Variants in EOGT observed in about 807,000 individuals in gnomAD.
EOGT encodes EGF domain specific O-linked N-acetylglucosamine transferase, also known as EGF domain-specific O-linked N-acetylglucosamine transferase.
Under a neutral mutation model 70.5 loss-of-function variants are expected in EOGT, and 55 were observed. The observed-to-expected ratio is 0.78, with a 90% CI of 0.63 to 0.98. EOGT has a LOEUF of 0.98. Ranked by LOEUF, EOGT falls within the 50% of genes least tolerant of loss-of-function variation. The probability of loss-of-function intolerance (pLI) is 0.00; values close to 1 mark genes in which losing one functional copy is unlikely to be tolerated. For synonymous variants in EOGT, 246 were observed against 217.1 expected, an observed-to-expected ratio of 1.13 and a Z score of -1.17; for missense variants, 703 against 641.9, an observed-to-expected ratio of 1.10 and a Z score of -1.03.
At chr3:68,998,835 T>TAAAA (rs5849871) in intron 9 of EOGT, among the ~76,000 whole-genome samples, 14 of 109,964 alleles carry the variant, frequency 1.3e-4, no homozygotes, top group African/African-American at 2.1e-4. Context: ...AGACTCTGTC[T>TAAAA]AAAAAAAAAA....
intron 14 of EOGT, among the ~76,000 whole-genome samples, chr3:68,983,639 C>T (rs1354566622): frequency 1.3e-5 from 2 of 152,186 alleles, no homozygotes; most frequent in Non-Finnish European, 2.9e-5. Context: ...CTAAGAGTGT[C>T]GTTAGGTTTA....
Position 69,001,729 on chromosome 3 carries a change from T to C in EOGT, c.621-15A>G, listed in dbSNP as rs1477133336. 4 of 1,553,178 alleles carry C rather than the reference T, an allele frequency of 2.6e-6. No individual in the cohort carries two copies. The highest frequency in any genetic ancestry group is 3.5e-6 in the Non-Finnish European group (4 of 1,127,084). On this transcript the variant is annotated splice_polypyrimidine_tract_variant and intron_variant, in intron 8 of 17. Transcript: ENST00000383701. Reference sequence around the variant, plus strand: ...GCTCAGCAAACCTGAAATTATGAATTGGGACATGACTTCAAACTGATTCTC... The same window carrying C: ...GCTCAGCAAACCTGAAATTATGAATCGGGACATGACTTCAAACTGATTCTC...
At chr3:69,004,879 C>T (rs375051282) in intron 7 of EOGT, among the ~76,000 whole-genome samples, 4 of 151,998 alleles carry the variant, frequency 2.6e-5, no homozygotes, top group African/African-American at 7.3e-5. Context: ...GCCTGGGCAA[C>T]GTTAGAAGAC....
rs550645481 is a variant in EOGT at position 69,011,442 on chromosome 3, G to A, written c.-15+494C>T. ...TGAGTTCGAGACCAGCTTGGGCAACGTGATGAAACCCGGTCTCTGCTAAGA... is the reference window on the plus strand; with the variant it reads ...TGAGTTCGAGACCAGCTTGGGCAACATGATGAAACCCGGTCTCTGCTAAGA... On this transcript the variant is annotated intron_variant, in intron 3 of 17. Coordinates refer to ENST00000383701, the MANE Select transcript of EOGT (RefSeq NM_001278689.2). 4.5e-4 allele frequency among the ~76,000 whole-genome samples: 68 copies of A among 151,584 alleles called. 1 individual carries two copies. In the Middle Eastern group the frequency reaches 0.014, roughly 30 times the overall value.
At chr3:68,985,443 A>G (rs1291870283) in intron 14 of EOGT, among the ~76,000 whole-genome samples, 1 of 152,148 alleles carries the variant, frequency 6.6e-6, no homozygotes, top group Non-Finnish European at 1.5e-5. Context: ...CCATCAAAAC[A>G]TGACACACAC....
intron 7 of EOGT, 58 bp from the exon 8 acceptor site, chr3:69,004,540 G>GTGCT: frequency 9.3e-6 from 11 of 1,179,054 alleles, no homozygotes; most frequent in Non-Finnish European, 1.3e-5. Flanking sequence ...ACCCAAGCAC[G>GTGCT]TGGGTTGTAA....
chr3:68,995,509 C>G (rs1002411860), intron 10 of EOGT, among the ~76,000 whole-genome samples: 3 of 152,184 alleles, frequency 2.0e-5, no homozygotes, highest in Admixed American at 6.5e-5. Flanking sequence ...ATGTCTCATG[C>G]TCAGCTGACT....
rs2091476347 is a variant in EOGT, at chr3:69,007,774, T to C, written c.359A>G (p.Asp120Gly). Reference protein sequence around the residue: ...SAEDIFWKQADFGYARERLEE... With the variant: ...SAEDIFWKQAGFGYARERLEE... Reference sequence around the variant, plus strand: ...CAGCCTCTCTCTGGCATATCCAAAGTCAGCTTGTTTCCAAAATATGTCCTC... The same window carrying C: ...CAGCCTCTCTCTGGCATATCCAAAGCCAGCTTGTTTCCAAAATATGTCCTC... Residue 120 changes from aspartate to glycine, a missense_variant, in exon 6 of 18, where the codon GAC (aspartate) becomes GGC (glycine). By Grantham distance (94) the Asp-to-Gly change is moderately conservative. Coordinates refer to ENST00000383701, the MANE Select transcript of EOGT (RefSeq NM_001278689.2). The C allele has an allele frequency of 1.2e-6, 2 of 1,613,180 alleles. No individual in the cohort carries two copies. The highest frequency in any genetic ancestry group is 1.3e-5 in the African/African-American group (1 of 74,874).
intron 10 of EOGT, among the ~76,000 whole-genome samples, chr3:68,994,664 C>G (rs1328342228): frequency 6.6e-6 from 1 of 151,918 alleles, no homozygotes; most frequent in Non-Finnish European, 1.5e-5. Flanking sequence ...TGATAGCACA[C>G]ACTGTCATCC....
At position 68,988,491 on chromosome 3, in the gene EOGT, A is replaced by G; in HGVS notation, c.996+15T>C. On this transcript the variant is annotated intron_variant, in intron 12 of 17. Coordinates refer to ENST00000383701, the MANE Select transcript of EOGT (RefSeq NM_001278689.2). ...GTCTGTAAATATGAATGCTAATGGT[A>G]GACAATGTGCTTACCAGAGGAGTAT... is the stretch of plus-strand genomic sequence containing the variant. 1 of 1,522,028 alleles carries G rather than the reference A, an allele frequency of 6.6e-7. No individual in the cohort carries two copies. Among genetic ancestry groups the G allele is most frequent in the Non-Finnish European group, 8.8e-7 (1 of 1,134,808 alleles). 94.3% of individuals were successfully genotyped at this position (1,522,028 alleles called of 1,614,324 possible).
chr3:68,997,651 G>A (rs770926741), intron 10 of EOGT, among the ~76,000 whole-genome samples: 9 of 152,120 alleles, frequency 5.9e-5, no homozygotes, highest in African/African-American at 1.9e-4. Context: ...TTATAGGCGT[G>A]AGCCACCACG....
chr3:68,992,802 T>G (rs1401588549), intron 10 of EOGT, among the ~76,000 whole-genome samples: 1 of 152,320 alleles, frequency 6.6e-6, no homozygotes, highest in East Asian at 1.9e-4. Context: ...TCTTCTGAAA[T>G]CTAGGTGGAG....
intron 14 of EOGT, among the ~76,000 whole-genome samples, chr3:68,983,119 C>T (rs2090697476): frequency 6.6e-6 from 1 of 152,210 alleles, no homozygotes; most frequent in African/African-American, 2.4e-5. Context: ...GATACCAATG[C>T]ACTGTGTTGC....
intron 1 of EOGT, among the ~76,000 whole-genome samples, chr3:69,013,101 G>C (rs1234076480): frequency 1.3e-5 from 2 of 152,062 alleles, no homozygotes; most frequent in Admixed American, 6.5e-5. Flanking sequence ...CGTCAGTCCC[G>C]GCCAAGGGCT....
chr3:68,978,265 A>G lies in EOGT; in HGVS notation c.1437+68T>C, dbSNP rs1034778775. 6.2e-6 allele frequency: 7 copies of G among 1,120,648 alleles called. No individual in the cohort carries two copies. The African/African-American group carries it at 7.9e-5, about 13-fold the overall frequency. 69.4% of individuals were successfully genotyped at this position (1,120,648 alleles called of 1,614,324 possible). On this transcript the variant is annotated intron_variant, in intron 17 of 17. Coordinates refer to ENST00000383701, the MANE Select transcript of EOGT (RefSeq NM_001278689.2). ...CACTGAAGTTCAATAACCATTTTTCATATCAATAATTGGATACTTTAAACC... is the reference window on the plus strand; with the variant it reads ...CACTGAAGTTCAATAACCATTTTTCGTATCAATAATTGGATACTTTAAACC...
intron 6 of EOGT, among the ~76,000 whole-genome samples, chr3:69,005,508 T>C (rs773417868): frequency 1.3e-5 from 2 of 152,120 alleles, no homozygotes; most frequent in East Asian, 1.9e-4. Flanking sequence ...AAGAGCTGTA[T>C]ATGTGGCTCA....
Position 68,975,936 on chromosome 3 carries a change from G to T in EOGT, c.*1682C>A. 6.6e-6 allele frequency: 1 copy of T among 152,096 alleles called. No homozygotes were observed. The highest frequency in any genetic ancestry group is 1.9e-4 in the East Asian group (1 of 5,192). 9.4% of individuals were successfully genotyped at this position (152,096 alleles called of 1,614,324 possible). A position where few individuals can be genotyped will look rare whatever the true frequency, so the allele number is the denominator to read the frequency against. On this transcript the variant is annotated 3_prime_UTR_variant, in exon 18 of 18. Transcript: ENST00000383701. ...TTTTAAAAAATTATTTAGCTATTCT[G>T]TAATTTGTTACTCCATTATTTTAAA...
chr3:68,998,383 T>A lies in EOGT; in HGVS notation c.728-269A>T, dbSNP rs145866318. Among the ~76,000 whole-genome samples the A allele has an allele frequency of 8.5e-5, 13 of 152,296 alleles. No homozygotes were observed. In the South Asian group the frequency reaches 2.5e-3, roughly 29 times the overall value. On this transcript the variant is annotated intron_variant, in intron 9 of 17. Transcript: ENST00000383701. ...CCCATATATCCCAAGTAACAAGTGA[T>A]CATTAAGTTCCCAGAAAAAAACAAG... is the stretch of plus-strand genomic sequence containing the variant.
chr3:68,982,995 C>A, intron 14 of EOGT, 123 bp from the exon 15 acceptor site: 1 of 536,292 alleles, frequency 1.9e-6, no homozygotes, highest in Non-Finnish European at 3.3e-6. Flanking sequence ...CATTTGGTAA[C>A]AACAACAACA....
Sources: allele counts gnomAD v4.1 joint callset (sites outside exome capture counted in the v4.1 genomes callset), GRCh38; gene constraint gnomAD v4.1.1; transcripts MANE v1.5; gene names NCBI Gene and HGNC (gene_info 2026-07-23, HGNC 2026-07-21).